Variants in PTPRZ1 observed in about 807,000 individuals in gnomAD.
PTPRZ1 encodes receptor-type tyrosine-protein phosphatase zeta.
Under a neutral mutation model 214.1 loss-of-function variants are expected in PTPRZ1, and 82 were observed. The observed-to-expected ratio is 0.38, with a 90% confidence interval of 0.32 to 0.46. The LOEUF (loss-of-function observed/expected upper bound fraction) is 0.46. Among genes scored for constraint, PTPRZ1 ranks in the 20% least tolerant of loss-of-function variants. The probability of loss-of-function intolerance (pLI) is 1.00; values close to 1 mark genes in which losing one functional copy is unlikely to be tolerated. For missense variants in PTPRZ1, 2,603 were observed against 2,748.7 expected, an observed-to-expected ratio of 0.95 and a Z score of 1.19; for synonymous variants, 945 against 987.9, an observed-to-expected ratio of 0.96 and a Z score of 0.81.
intron 6 of PTPRZ1, among the ~76,000 whole-genome samples, chr7:121,980,549 C>G (rs889508869): frequency 7.9e-5 from 12 of 152,162 alleles, no homozygotes; most frequent in Non-Finnish European, 1.6e-4. Flanking sequence ...TGGATTAAAA[C>G]TACATGTAGG....
chr7:121,964,684 G>A (rs545853954), intron 2 of PTPRZ1, among the ~76,000 whole-genome samples: 9 of 152,268 alleles, frequency 5.9e-5, no homozygotes, highest in African/African-American at 2.2e-4. Flanking sequence ...ATGAAGCAGG[G>A]AGAGGGCAAG....
intron 12 of PTPRZ1, among the ~76,000 whole-genome samples, chr7:122,015,477 G>A (rs1292303756): frequency 6.6e-6 from 1 of 151,930 alleles, no homozygotes; most frequent in Non-Finnish European, 1.5e-5. Context: ...ATTTAACATT[G>A]CATTTTAAAC....
intron 23 of PTPRZ1, among the ~76,000 whole-genome samples, chr7:122,048,141 T>C (rs1232582471): frequency 6.6e-6 from 1 of 152,086 alleles, no homozygotes; most frequent in Non-Finnish European, 1.5e-5. Context: ...TTAAATAATA[T>C]ACATATTTAA....
chr7:121,994,618 T>C (rs1798079939), intron 8 of PTPRZ1, among the ~76,000 whole-genome samples: 1 of 152,162 alleles, frequency 6.6e-6, no homozygotes, highest in South Asian at 2.1e-4. Flanking sequence ...ACAAATGATA[T>C]TGTCCAGAGT....
Position 121,983,645 on chromosome 7 carries a change from TG to T in PTPRZ1, c.620-19del, listed in dbSNP as rs1797683288. 6.3e-7 allele frequency: 1 copy of T among 1,592,216 alleles called. No individual in the cohort carries two copies. Among genetic ancestry groups the T allele is most frequent in the Non-Finnish European group, 8.6e-7 (1 of 1,167,958 alleles). On this transcript the variant is annotated intron_variant, in intron 6 of 29. Coordinates refer to ENST00000393386, the MANE Select transcript of PTPRZ1 (RefSeq NM_002851.3). The stretch of plus-strand genomic sequence containing the variant: ...TCCAGTGTTGAGATTCCAGCTGAGA[TG>T]TATATTATTCCTTTTTAGGGAAGCA...
rs1283020621 is a variant in PTPRZ1, at chr7:122,046,884, C to A, written c.6084+2316C>A. ...CAGCGTAGAGATGGTTCCTTGAAGC[C>A]TCGGAATTGGATAAAATAGCCAATT... is the stretch of plus-strand genomic sequence containing the variant. On this transcript the variant is annotated intron_variant, in intron 23 of 29. Coordinates refer to ENST00000393386, the MANE Select transcript of PTPRZ1 (RefSeq NM_002851.3). 2.0e-5 allele frequency among the ~76,000 whole-genome samples: 3 copies of A among 152,084 alleles called. No individual in the cohort carries two copies. In the East Asian group the frequency reaches 5.8e-4, roughly 29 times the overall value.
intron 1 of PTPRZ1, chr7:121,908,556 G>A (rs2116296760): frequency 3.0e-6 from 1 of 338,968 alleles, no homozygotes; most frequent in South Asian, 2.5e-5. Context: ...AGTCTTACAG[G>A]TCCTCTCCTC....
chr7:121,937,573 T>G (rs1394449471), intron 2 of PTPRZ1, among the ~76,000 whole-genome samples: 1 of 152,088 alleles, frequency 6.6e-6, no homozygotes, highest in Non-Finnish European at 1.5e-5. Context: ...AGGAAGATGC[T>G]GGGGGTTCAG....
At chr7:122,041,962 A>C (rs1228917963) in intron 21 of PTPRZ1, among the ~76,000 whole-genome samples, 1 of 152,178 alleles carries the variant, frequency 6.6e-6, no homozygotes, top group African/African-American at 2.4e-5. Flanking sequence ...GCAGGTGCTA[A>C]TTTTCCACTC....
intron 1 of PTPRZ1, among the ~76,000 whole-genome samples, chr7:121,897,946 C>A (rs1357065424): frequency 6.6e-6 from 1 of 152,100 alleles, no homozygotes; most frequent in Admixed American, 6.6e-5. Context: ...CTTATTATAT[C>A]ATAATGGATC....
chr7:121,890,461 C>A (rs1006990761), intron 1 of PTPRZ1, among the ~76,000 whole-genome samples: 5 of 152,148 alleles, frequency 3.3e-5, no homozygotes, highest in Non-Finnish European at 7.3e-5. Context: ...ATCATGTCTT[C>A]TTGGGTTATT....
intron 1 of PTPRZ1, among the ~76,000 whole-genome samples, chr7:121,877,543 G>A (rs1794098248): frequency 6.6e-6 from 1 of 152,152 alleles, no homozygotes; most frequent in Non-Finnish European, 1.5e-5. Flanking sequence ...CTGTGATCCA[G>A]ATACAGAATC....
chr7:121,976,390 G>T lies in PTPRZ1; in HGVS notation c.552+122G>T, dbSNP rs1002773861. On this transcript the variant is annotated intron_variant, in intron 5 of 29. Transcript: ENST00000393386. ...GCTCACAAGTAAAATTAAAACTGGTGGTCATTTTCAAAAAAAGATGACCCT... is the reference window on the plus strand; with the variant it reads ...GCTCACAAGTAAAATTAAAACTGGTTGTCATTTTCAAAAAAAGATGACCCT... 8.1e-6 allele frequency: 5 copies of T among 613,868 alleles called. No homozygotes were observed. The East Asian group carries it at 1.5e-4, about 18-fold the overall frequency. 38.0% of individuals were successfully genotyped at this position (613,868 alleles called of 1,614,324 possible). A position where few individuals can be genotyped will look rare whatever the true frequency, so the allele number is the denominator to read the frequency against.
In PTPRZ1 at chr7:121,976,838, T is replaced by C. The variant is rs2116544533; in HGVS notation, c.606T>C (p.Ser202=). The C allele has an allele frequency of 6.2e-7, 1 of 1,610,674 alleles. No individual in the cohort carries two copies. Among genetic ancestry groups the C allele is most frequent in the East Asian group, 2.2e-5 (1 of 44,644 alleles). ...AAGCGATTATTGATGGAGTCGAAAG[T>C]GTTAGTCGTTTTGGTAAGCTACTTG... ...DFKAIIDGVE[S]VSRFGKQAAL... is the part of the protein sequence containing the mutation. The change falls in exon 6 of 30, where the codon AGT becomes AGC. Residue 202 remains serine, a synonymous_variant. Coordinates refer to ENST00000393386, the MANE Select transcript of PTPRZ1 (RefSeq NM_002851.3).
At chr7:121,876,757 A>G (rs2116137508) in intron 1 of PTPRZ1, among the ~76,000 whole-genome samples, 1 of 152,256 alleles carries the variant, frequency 6.6e-6, no homozygotes, top group East Asian at 1.9e-4. Flanking sequence ...GCTTCCAGTC[A>G]GGGAAGTTTG....
intron 1 of PTPRZ1, among the ~76,000 whole-genome samples, chr7:121,899,283 T>G (rs994572531): frequency 2.0e-5 from 3 of 152,180 alleles, no homozygotes; most frequent in Admixed American, 2.0e-4. Context: ...TTTTCATTCA[T>G]GACTCACAAC....
intron 20 of PTPRZ1, among the ~76,000 whole-genome samples, chr7:122,039,805 C>G (rs1799661182): frequency 6.6e-6 from 1 of 152,034 alleles, no homozygotes; most frequent in African/African-American, 2.4e-5. Context: ...CGAGACTAGC[C>G]TGGCCAACAT....
At chr7:122,059,565 A>G (rs1389588377) in intron 28 of PTPRZ1, 188 bp from the exon 29 acceptor site, 3 of 622,478 alleles carry the variant, frequency 4.8e-6, no homozygotes, top group Non-Finnish European at 5.4e-6. Flanking sequence ...CACTATTGAT[A>G]TCATGAACAC....
intron 8 of PTPRZ1, among the ~76,000 whole-genome samples, chr7:121,989,398 G>T (rs1173039086): frequency 7.3e-6 from 1 of 136,986 alleles, no homozygotes; most frequent in African/African-American, 2.7e-5. Flanking sequence ...TTTTGAGTTG[G>T]AGTTTCACTC....
Sources: gnomAD v4.1 joint callset for allele counts (sites outside exome capture counted in the v4.1 genomes callset) on GRCh38, gnomAD v4.1.1 for gene constraint, MANE v1.5 for transcripts, NCBI Gene and HGNC (gene_info 2026-07-23, HGNC 2026-07-21) for gene names.